The following ABCC9 variants were observed in gnomAD, a reference collection of about 807,000 sequenced individuals.
ABCC9 encodes the protein ATP binding cassette subfamily C member 9, also known as ATP-binding cassette sub-family C member 9.
A neutral mutation model predicts 188.3 loss-of-function variants in ABCC9; 95 were observed. The ratio of observed to expected loss-of-function variants is 0.50; its 90% confidence interval spans 0.43 to 0.60. The LOEUF is 0.60. ABCC9 is among the 20% of genes least tolerant of loss of function. ABCC9 has a pLI of 0.00. For missense variants in ABCC9, 1,102 were observed against 1,876.3 expected (o/e 0.59, Z 7.62); for synonymous variants, 659 against 652.7 (o/e 1.01, Z -0.15).
At chr12:21,805,363 G>C in intron 39 of ABCC9, 1 of 1,561,022 alleles carries the variant, frequency 6.4e-7, no homozygotes, top group Admixed American at 1.7e-5. Flanking sequence ...AAATGTCCAA[G>C]TGACTCATTA....
At position 21,838,103 on chromosome 12, in the gene ABCC9, C is replaced by T; in HGVS notation, c.3541G>A (p.Gly1181Arg). ...LLCHFSETAE[G>R]LTTIRAFRHE... ...CTAAAGGCCCGAATGGTGGTGAGTC[C>T]TTCTGCTGTTTCTGAGAAGTGACAG... Residue 1181 changes from glycine to arginine, a missense_variant, in exon 30 of 40, where the codon GGA becomes AGA. Physicochemically the swap from Gly to Arg is moderately radical, Grantham distance 125. This residue lies in a region of ABCC9 where 143 missense variants were observed against 225.6 expected (regional missense o/e 0.63). Coordinates refer to ENST00000261200, the MANE Select transcript of ABCC9 (RefSeq NM_020297.4). The T allele has an allele frequency of 3.1e-6, 5 of 1,614,044 alleles. No homozygotes were observed. The highest frequency in any genetic ancestry group is 4.2e-6 in the Non-Finnish European group (5 of 1,179,936).
chr12:21,858,729 A>G (rs1053232038), intron 22 of ABCC9, among the ~76,000 whole-genome samples: 1 of 152,200 alleles, frequency 6.6e-6, no homozygotes, highest in Non-Finnish European at 1.5e-5. Flanking sequence ...ACCATCCCCA[A>G]TGACAGATCC....
chr12:21,859,060 G>A (rs562270630), intron 22 of ABCC9, among the ~76,000 whole-genome samples: 2 of 152,210 alleles, frequency 1.3e-5, no homozygotes, highest in South Asian at 2.1e-4. Flanking sequence ...CATTCATGAC[G>A]TTTTTAAAGA....
chr12:21,852,425 G>A lies in ABCC9; in HGVS notation c.2586C>T (p.Asp862=). 1 of 1,613,838 alleles carries A rather than the reference G, an allele frequency of 6.2e-7. No individual in the cohort carries two copies. The highest frequency in any genetic ancestry group is 8.5e-7 in the Non-Finnish European group (1 of 1,179,950). Residue 862 remains aspartate, a synonymous_variant, in exon 23 of 40, where the codon GAC becomes GAT. Coordinates refer to ENST00000261200, the MANE Select transcript of ABCC9 (RefSeq NM_020297.4). ...GAGTCACAAGAACGAGTGTCCTTTT[G>A]TCATCTTGCAGGAATTTCAAAATCC... ...QEGILKFLQD[D]KRTLVLVTHK...
chr12:21,863,081 A>G (rs554741558), intron 19 of ABCC9, 27 bp from the exon 20 acceptor site: 2 of 1,249,904 alleles, frequency 1.6e-6, no homozygotes, highest in African/African-American at 1.5e-5. Flanking sequence ...AAAAAAAAAA[A>G]CACCAGGATT....
chr12:21,926,872 A>G (rs1489255038), intron 4 of ABCC9, among the ~76,000 whole-genome samples: 2 of 152,242 alleles, frequency 1.3e-5, no homozygotes, highest in Non-Finnish European at 2.9e-5. Flanking sequence ...CCAGATGTGC[A>G]TAGTAGACAG....
chr12:21,834,917 T>C (rs1210393906), intron 30 of ABCC9, among the ~76,000 whole-genome samples: 1 of 151,832 alleles, frequency 6.6e-6, no homozygotes, highest in Non-Finnish European at 1.5e-5. Context: ...AGGGACCAAC[T>C]TGCTAAACTA....
At chr12:21,864,509 A>G in intron 18 of ABCC9, 32 bp from the exon 19 acceptor site, 1 of 1,500,284 alleles carries the variant, frequency 6.7e-7, no homozygotes. Context: ...TTCATTAATT[A>G]TGAAGTAGAA....
Position 21,923,577 on chromosome 12 carries a change from T to G in ABCC9, c.406+2365A>C, listed in dbSNP as rs774459240. The stretch of plus-strand genomic sequence containing the variant: ...AGATAAATGCAAATTAAAACCGCAA[T>G]GTATTACCAGTACACACCCACTAGC... On this transcript the variant is annotated intron_variant, in intron 5 of 39. Transcript: ENST00000261200. 22 of 392,534 alleles carry G rather than the reference T, an allele frequency of 5.6e-5. 1 individual carries two copies. Among genetic ancestry groups the G allele is most frequent in the Non-Finnish European group, 4.5e-5 (10 of 220,208 alleles). The allele number at this position is 392,534 out of a possible 1,614,324, so 24.3% of individuals were successfully genotyped here. A position where few individuals can be genotyped will look rare whatever the true frequency, so the allele number is the denominator to read the frequency against.
At chr12:21,853,544 C>G (rs1945074857) in intron 22 of ABCC9, among the ~76,000 whole-genome samples, 1 of 151,886 alleles carries the variant, frequency 6.6e-6, no homozygotes, top group Non-Finnish European at 1.5e-5. Context: ...TTTTATCCAC[C>G]AAGTGATTAA....
At chr12:21,911,895 A>ATTTCCTTTATAAT (rs143730509) in intron 8 of ABCC9, among the ~76,000 whole-genome samples, 9 of 151,958 alleles carry the variant, frequency 5.9e-5, no homozygotes, top group Non-Finnish European at 1.5e-5. Context: ...TATCTGGTTC[A>ATTTCCTTTATAAT]TGAACACTAA....
chr12:21,925,311 G>C (rs2900493), intron 5 of ABCC9: 312,032 of 489,830 alleles, frequency 0.64, 99,619 homozygotes, highest in East Asian at 0.77. Context: ...ATATTTTAGA[G>C]AGCCTCTGAT....
chr12:21,923,595 C>T (rs1011568196), intron 5 of ABCC9: 20 of 513,802 alleles, frequency 3.9e-5, no homozygotes, highest in Admixed American at 2.8e-4. Context: ...CAGTACACAC[C>T]CACTAGCATG....
Position 21,883,780 on chromosome 12 carries a change from T to C in ABCC9, c.1912-907A>G, listed in dbSNP as rs529764507. 3.3e-5 allele frequency among the ~76,000 whole-genome samples: 5 copies of C among 152,298 alleles called. No homozygotes were observed. The South Asian group carries it at 1.0e-3, about 32-fold the overall frequency. On this transcript the variant is annotated intron_variant, in intron 15 of 39. Transcript: ENST00000261200. ...TTCATCAGGAGATCCATAAGTCTTA[T>C]AGAATGATCTAGTCTATCTCAAATG... is the stretch of plus-strand genomic sequence containing the variant.
chr12:21,878,519 T>C (rs1002856541), intron 16 of ABCC9, among the ~76,000 whole-genome samples: 2 of 152,166 alleles, frequency 1.3e-5, no homozygotes, highest in African/African-American at 4.8e-5. Flanking sequence ...CAGGCTGGGA[T>C]ACTGGATAGA....
Position 21,941,290 on chromosome 12 carries a change from A to G in ABCC9, c.-227T>C, listed in dbSNP as rs1316495774. On this transcript the variant is annotated 5_prime_UTR_variant, in exon 1 of 40. An upstream open reading frame in the 5' UTR loses its in-frame stop. Coordinates refer to ENST00000261200, the MANE Select transcript of ABCC9 (RefSeq NM_020297.4). The surrounding 1 kb of genome is among the most constrained non-coding windows in gnomAD (Gnocchi z 5.4). The stretch of plus-strand genomic sequence containing the variant: ...GGTGGGAGACCAGCTGCTGCCTCCT[A>G]TCGAGTTTCTAAATTGCACAGACTG... The G allele has an allele frequency of 1.3e-5, 2 of 152,300 alleles. No individual in the cohort carries two copies. Among genetic ancestry groups the G allele is most frequent in the South Asian group, 2.1e-4 (1 of 4,836 alleles). 9.4% of individuals were successfully genotyped at this position (152,300 alleles called of 1,614,324 possible).
intron 7 of ABCC9, among the ~76,000 whole-genome samples, chr12:21,915,255 GTGTGTGTA>G (rs1386088323): frequency 1.5e-4 from 18 of 117,290 alleles, no homozygotes; most frequent in South Asian, 2.9e-4. Flanking sequence ...GTGTGTGTGT[GTGTGTGTA>G]TATAATGTGT....
intron 25 of ABCC9, among the ~76,000 whole-genome samples, chr12:21,846,452 C>A (rs943281541): frequency 6.6e-6 from 1 of 152,178 alleles, no homozygotes; most frequent in Non-Finnish European, 1.5e-5. Flanking sequence ...TTTCTATGGT[C>A]CAGTGACTGT....
At chr12:21,922,097 G>A (rs145553123) in intron 5 of ABCC9, among the ~76,000 whole-genome samples, 4 of 151,914 alleles carry the variant, frequency 2.6e-5, no homozygotes, top group Non-Finnish European at 4.4e-5. Flanking sequence ...TTCTATTTCT[G>A]TGAAAAATGT....
Sources: allele counts gnomAD v4.1 joint callset (sites outside exome capture counted in the v4.1 genomes callset), GRCh38; gene constraint gnomAD v4.1.1; regional missense constraint gnomAD v4.1.1; non-coding constraint Gnocchi (gnomAD v3.1); transcripts MANE v1.5; gene names NCBI Gene and HGNC (gene_info 2026-07-23, HGNC 2026-07-21).